RGS6: variants seen among roughly 807,000 people sequenced by gnomAD.
RGS6 encodes regulator of G-protein signaling 6.
A neutral mutation model predicts 78.5 loss-of-function variants in RGS6; 30 were observed. The ratio of observed to expected loss-of-function variants is 0.38; its 90% CI spans 0.29 to 0.52. The LOEUF (loss-of-function observed/expected upper bound fraction) is 0.52. RGS6 is among the 20% of genes least tolerant of loss of function. The pLI, the probability that RGS6 is intolerant of heterozygous loss-of-function variation, is 0.85. For synonymous variants in RGS6, 206 were observed against 206.0 expected (o/e 1.00, Z 0.00); for missense variants, 495 against 609.7 (o/e 0.81, Z 1.98).
chr14:72,320,096 C>CGT (rs1040626491), intron 2 of RGS6, among the ~76,000 whole-genome samples: 12 of 152,174 alleles, frequency 7.9e-5, no homozygotes. Flanking sequence ...AAACCTCAGG[C>CGT]TAACCTAAGC....
chr14:72,510,019 A>G, intron 13 of RGS6, 135 bp from the exon 14 acceptor site: 1 of 996,320 alleles, frequency 1.0e-6, no homozygotes, highest in Non-Finnish European at 1.5e-6. Flanking sequence ...CAGCTTTTGT[A>G]GAATCTGCCC....
chr14:72,508,866 G>A (rs2096844432), intron 13 of RGS6, among the ~76,000 whole-genome samples: 1 of 152,102 alleles, frequency 6.6e-6, no homozygotes, highest in Admixed American at 6.5e-5. Context: ...GAATAGGGAA[G>A]AGTTGTAGCA....
At chr14:72,429,849 G>A (rs1044105390) in intron 3 of RGS6, among the ~76,000 whole-genome samples, 1 of 152,182 alleles carries the variant, frequency 6.6e-6, no homozygotes, top group Non-Finnish European at 1.5e-5. Context: ...AATCATGGGA[G>A]CGGTTTCCTC....
chr14:72,358,989 TAGTG>T (rs773400815), intron 3 of RGS6, among the ~76,000 whole-genome samples: 3 of 152,180 alleles, frequency 2.0e-5, no homozygotes, highest in African/African-American at 4.8e-5. Context: ...TTCCTCATGA[TAGTG>T]AGTGAGTTCT....
chr14:72,072,927 TGG>T (rs761454076), intron 2 of RGS6, among the ~76,000 whole-genome samples: 68 of 152,348 alleles, frequency 4.5e-4, no homozygotes, highest in Middle Eastern at 3.4e-3. Context: ...TACTGCTGCC[TGG>T]GGATCACTCC....
intron 2 of RGS6, among the ~76,000 whole-genome samples, chr14:72,155,488 G>C (rs1382571143): frequency 3.3e-5 from 5 of 152,142 alleles, no homozygotes; most frequent in African/African-American, 1.2e-4. Flanking sequence ...AATATCATAC[G>C]TGGTTACTCA....
intron 2 of RGS6, among the ~76,000 whole-genome samples, chr14:72,085,223 T>A (rs1206824534): frequency 6.6e-6 from 1 of 152,202 alleles, no homozygotes; most frequent in African/African-American, 2.4e-5. Context: ...TATCGACCAC[T>A]TTCTGCATGA....
chr14:71,873,180 T>C, the RGS6 span, among the ~76,000 whole-genome samples: 1 of 152,184 alleles, frequency 6.6e-6, no homozygotes, highest in Non-Finnish European at 1.5e-5. Context: ...CTGGGTCAAA[T>C]GGTATTTCTA....
At chr14:71,888,169 G>T in the RGS6 span, among the ~76,000 whole-genome samples, 3 of 152,158 alleles carry the variant, frequency 2.0e-5, no homozygotes, top group African/African-American at 7.2e-5. Flanking sequence ...CTTGAAACTG[G>T]AAGGTGAAGG....
intron 2 of RGS6, among the ~76,000 whole-genome samples, chr14:72,138,929 T>C (rs2096494278): frequency 6.6e-6 from 1 of 152,124 alleles, no homozygotes; most frequent in Non-Finnish European, 1.5e-5. Context: ...GTAATGATAA[T>C]AAAGCGTACA....
At chr14:72,305,879 C>A (rs931656291) in intron 2 of RGS6, among the ~76,000 whole-genome samples, 1 of 152,184 alleles carries the variant, frequency 6.6e-6, no homozygotes, top group East Asian at 1.9e-4. Context: ...AAAAGCTAGA[C>A]CTCTTGGGCA....
chr14:72,304,705 C>T (rs1280136662), intron 2 of RGS6, among the ~76,000 whole-genome samples: 1 of 151,916 alleles, frequency 6.6e-6, no homozygotes, highest in Non-Finnish European at 1.5e-5. Context: ...ATGGTAAAAC[C>T]CCATCTCTAT....
intron 2 of RGS6, among the ~76,000 whole-genome samples, chr14:72,286,147 C>G (rs888292477): frequency 9.2e-5 from 14 of 152,120 alleles, no homozygotes; most frequent in African/African-American, 3.4e-4. Context: ...AGTTTCAGGT[C>G]TTACATTTAA....
intron 3 of RGS6, among the ~76,000 whole-genome samples, chr14:72,419,237 G>C (rs1372895950): frequency 6.6e-6 from 1 of 152,204 alleles, no homozygotes; most frequent in African/African-American, 2.4e-5. Context: ...TTTTTTGAGA[G>C]CTTGCTTTAC....
chr14:72,584,494 T>C, the RGS6 span, among the ~76,000 whole-genome samples: 4 of 152,246 alleles, frequency 2.6e-5, no homozygotes, highest in African/African-American at 7.2e-5. Context: ...AAGCTGACAT[T>C]TGAAGCTGAA....
chr14:72,327,557 C>T (rs759502692), intron 2 of RGS6, among the ~76,000 whole-genome samples: 23 of 152,302 alleles, frequency 1.5e-4, no homozygotes, highest in Non-Finnish European at 3.1e-4. Flanking sequence ...GAGAGAGCAG[C>T]GTACATCACC....
chr14:71,955,516 A>G (rs930353623), intron 1 of RGS6, among the ~76,000 whole-genome samples: 1 of 152,158 alleles, frequency 6.6e-6, no homozygotes, highest in Non-Finnish European at 1.5e-5. Flanking sequence ...GCCCATTTTT[A>G]TGGCTATTTC....
chr14:72,289,989 T>C (rs1258533341), intron 2 of RGS6, among the ~76,000 whole-genome samples: 1 of 152,124 alleles, frequency 6.6e-6, no homozygotes, highest in Non-Finnish European at 1.5e-5. Context: ...ATGAAGAAAA[T>C]TGGCATTTAA....
At position 72,513,391 on chromosome 14, in the gene RGS6, C is replaced by A. The variant is rs114577578; in HGVS notation, c.1091+3112C>A. ...TGGGTCTGTGAGATGAGGGTGGGGG[C>A]ATCATCTCTGTGGACTGGGTGGGGT... On this transcript the variant is annotated intron_variant, in intron 14 of 17. Transcript: ENST00000553525. 9.5e-3 allele frequency among the ~76,000 whole-genome samples: 1,445 copies of A among 152,196 alleles called. 22 individuals carry two copies. Among genetic ancestry groups the A allele is most frequent in the African/African-American group, 0.033 (1,367 of 41,522 alleles).
Sources: gnomAD v4.1 joint callset for allele counts (sites outside exome capture counted in the v4.1 genomes callset) on GRCh38, gnomAD v4.1.1 for gene constraint, MANE v1.5 for transcripts, NCBI Gene and HGNC (gene_info 2026-07-23, HGNC 2026-07-21) for gene names.